The following CTSS variants were observed in gnomAD, a reference collection of about 807,000 sequenced individuals.
CTSS encodes cathepsin S.
Under a neutral mutation model 39.9 loss-of-function variants are expected in CTSS, and 15 were observed. The ratio of observed to expected loss-of-function variants is 0.38; its 90% confidence interval spans 0.25 to 0.58. The LOEUF is 0.58. Ranked by LOEUF, CTSS falls within the 20% of genes least tolerant of loss-of-function variation. The probability of loss-of-function intolerance (pLI) is 0.70; values close to 1 mark genes in which losing one functional copy is unlikely to be tolerated. For missense variants in CTSS, 250 were observed against 398.2 expected (o/e 0.63, Z 3.17); for synonymous variants, 126 against 138.2 (o/e 0.91, Z 0.62).
chr1:150,759,069 T>TCA (rs1653198361), intron 2 of CTSS, among the ~76,000 whole-genome samples: 1 of 150,262 alleles, frequency 6.7e-6, no homozygotes, highest in African/African-American at 2.5e-5. Flanking sequence ...AGGGTCTCCC[T>TCA]ATGTTGCCTA....
At chr1:150,741,362 C>T (rs1652753158) in intron 7 of CTSS, among the ~76,000 whole-genome samples, 1 of 151,870 alleles carries the variant, frequency 6.6e-6, no homozygotes, top group Non-Finnish European at 1.5e-5. Flanking sequence ...ATATATATCC[C>T]AAGTATTTTA....
chr1:150,754,957 A>T (rs1175996430), intron 4 of CTSS, 44 bp downstream of exon 4: 1 of 1,571,000 alleles, frequency 6.4e-7, no homozygotes, highest in Non-Finnish European at 8.7e-7. Context: ...AAGCATTTAA[A>T]GAGCTCTACC....
At chr1:150,758,084 C>G (rs888341158) in intron 2 of CTSS, 104 bp from the exon 3 acceptor site, 3 of 1,076,602 alleles carry the variant, frequency 2.8e-6, no homozygotes, top group Non-Finnish European at 2.6e-6. Context: ...GAGTCTCACT[C>G]TGTCACCCAA....
At chr1:150,735,738 A>G (rs1010352895) in intron 7 of CTSS, among the ~76,000 whole-genome samples, 2 of 147,420 alleles carry the variant, frequency 1.4e-5, no homozygotes, top group African/African-American at 5.0e-5. Context: ...ACATGTGCAT[A>G]CCACCATGCT....
intron 4 of CTSS, among the ~76,000 whole-genome samples, chr1:150,753,324 G>A (rs1441558639): frequency 1.3e-5 from 2 of 152,108 alleles, no homozygotes; most frequent in Non-Finnish European, 2.9e-5. Context: ...CAAACTAAAG[G>A]AAAATACAAC....
chr1:150,744,841 T>C (rs1652860692), intron 7 of CTSS, among the ~76,000 whole-genome samples: 1 of 151,454 alleles, frequency 6.6e-6, no homozygotes, highest in Non-Finnish European at 1.5e-5. Flanking sequence ...AGTAAGTGCT[T>C]GTTGAATGAA....
chr1:150,736,786 C>A (rs192848935), intron 7 of CTSS, among the ~76,000 whole-genome samples: 47 of 151,626 alleles, frequency 3.1e-4, no homozygotes, highest in African/African-American at 1.1e-3. Context: ...AAAAAAAAAT[C>A]TTAAGCTAAA....
chr1:150,763,445 A>G (rs958393856), intron 2 of CTSS, among the ~76,000 whole-genome samples: 1 of 152,202 alleles, frequency 6.6e-6, no homozygotes, highest in African/African-American at 2.4e-5. Flanking sequence ...TAGATTTTAA[A>G]TGTTCTTATC....
intron 6 of CTSS, 29 bp from the exon 7 acceptor site, chr1:150,747,908 G>C: frequency 7.2e-7 from 1 of 1,396,950 alleles, no homozygotes; most frequent in Non-Finnish European, 1.0e-6. Flanking sequence ...TGGGAAAAAA[G>C]AGTGAATACT....
chr1:150,738,396 C>T (rs1336645044), intron 7 of CTSS, among the ~76,000 whole-genome samples: 2 of 152,134 alleles, frequency 1.3e-5, no homozygotes, highest in African/African-American at 4.8e-5. Flanking sequence ...AGCCTGTGCT[C>T]ACTTTGTGTC....
chr1:150,735,651 C>A (rs1002852564), intron 7 of CTSS, among the ~76,000 whole-genome samples: 6 of 151,976 alleles, frequency 3.9e-5, no homozygotes, highest in Admixed American at 2.0e-4. Flanking sequence ...TGTGGTGGTG[C>A]AATCACAGCT....
At chr1:150,761,522 G>A (rs1362723562) in intron 2 of CTSS, among the ~76,000 whole-genome samples, 7 of 151,466 alleles carry the variant, frequency 4.6e-5, no homozygotes, top group South Asian at 2.1e-4. Flanking sequence ...ACCTGAGGTC[G>A]GGAGTTTGAG....
chr1:150,730,875 A>G lies in CTSS; in HGVS notation c.*2171T>C, dbSNP rs1318185132. 3 of 135,172 alleles carry G rather than the reference A, an allele frequency of 2.2e-5. No individual in the cohort carries two copies. Among genetic ancestry groups the G allele is most frequent in the Non-Finnish European group, 5.0e-5 (3 of 60,170 alleles). 8.4% of individuals were successfully genotyped at this position (135,172 alleles called of 1,614,324 possible). On this transcript the variant is annotated 3_prime_UTR_variant, in exon 8 of 8. Coordinates refer to ENST00000368985, the MANE Select transcript of CTSS (RefSeq NM_004079.5). ...TTATTTAATGCATTTATAAAGAAGC[A>G]TGCATATTAATATATAACAAACTTA...
intron 6 of CTSS, among the ~76,000 whole-genome samples, chr1:150,749,013 G>T (rs1453485320): frequency 6.6e-6 from 1 of 152,184 alleles, no homozygotes; most frequent in Non-Finnish European, 1.5e-5. Context: ...AATGTTGTGT[G>T]TGTTCTGACT....
chr1:150,733,318 T>C (rs981928089), intron 7 of CTSS, among the ~76,000 whole-genome samples, 173 bp from the exon 8 acceptor site: 11 of 152,218 alleles, frequency 7.2e-5, no homozygotes, highest in African/African-American at 2.7e-4. Flanking sequence ...CTCAAAATAA[T>C]GGTTTGGAAA....
At position 150,732,654 on chromosome 1, in the gene CTSS, G is replaced by C. The variant is rs999156420; in HGVS notation, c.*392C>G. ...ACAGAGTCTCCACTCTGTCATCCAG[G>C]CTGGAGTACAGTGGTGTGATCTCAG... On this transcript the variant is annotated 3_prime_UTR_variant, in exon 8 of 8. Coordinates refer to ENST00000368985, the MANE Select transcript of CTSS (RefSeq NM_004079.5). 6.5e-6 allele frequency: 1 copy of C among 153,622 alleles called. No individual in the cohort carries two copies. The highest frequency in any genetic ancestry group is 1.4e-5 in the Non-Finnish European group (1 of 69,096). 9.5% of individuals were successfully genotyped at this position (153,622 alleles called of 1,614,324 possible).
At chr1:150,737,728 T>C (rs1652664732) in intron 7 of CTSS, among the ~76,000 whole-genome samples, 1 of 152,018 alleles carries the variant, frequency 6.6e-6, no homozygotes, top group Non-Finnish European at 1.5e-5. Context: ...GAGAAACATA[T>C]GATAAACGAA....
At position 150,732,935 on chromosome 1, in the gene CTSS, G is replaced by A; in HGVS notation, c.*111C>T. The A allele has an allele frequency of 2.5e-6, 2 of 806,602 alleles. No individual in the cohort carries two copies. Among genetic ancestry groups the A allele is most frequent in the Non-Finnish European group, 4.0e-6 (2 of 499,322 alleles). The allele number at this position is 806,602 out of a possible 1,614,324, so 50.0% of individuals were successfully genotyped here. On this transcript the variant is annotated 3_prime_UTR_variant, in exon 8 of 8. Transcript: ENST00000368985. ...CAAACTATATTTTCTAATTAGTACA[G>A]TAAATACACATTAATCATGACACAA... is the stretch of plus-strand genomic sequence containing the variant.
intron 7 of CTSS, among the ~76,000 whole-genome samples, chr1:150,740,976 C>G (rs1195012742): frequency 6.6e-6 from 1 of 152,066 alleles, no homozygotes; most frequent in Non-Finnish European, 1.5e-5. Flanking sequence ...GCATGAGCCA[C>G]TAAGCCTGGT....
Sources: allele counts gnomAD v4.1 joint callset (sites outside exome capture counted in the v4.1 genomes callset), GRCh38; gene constraint gnomAD v4.1.1; transcripts MANE v1.5; gene names NCBI Gene and HGNC (gene_info 2026-07-23, HGNC 2026-07-21).